The following FHIT variants were observed in gnomAD, a reference collection of about 807,000 sequenced individuals.
The protein encoded by FHIT is fragile histidine triad diadenosine triphosphatase.
In FHIT, 19 loss-of-function variants were observed where a neutral mutation model predicts 17.9. That is an observed-to-expected ratio of 1.06 (90% CI 0.74 to 1.56). The LOEUF (loss-of-function observed/expected upper bound fraction) is 1.56, where lower values mean the gene tolerates loss of function less well. Among genes scored for constraint, FHIT ranks in the 40% most tolerant of loss-of-function variants. The pLI is 0.00. For synonymous variants in FHIT, 81 were observed against 69.7 expected (o/e 1.16, Z -0.81); for missense variants, 248 against 189.2 (o/e 1.31, Z -1.82).
chr3:61,143,974 T>A (rs1451676466), intron 2 of FHIT, among the ~76,000 whole-genome samples: 1 of 152,234 alleles, frequency 6.6e-6, no homozygotes, highest in Admixed American at 6.5e-5. Context: ...CAGGCAATTA[T>A]TGTCATGCTA....
intron 5 of FHIT, among the ~76,000 whole-genome samples, chr3:60,052,981 T>C (rs1360699045): frequency 6.6e-6 from 1 of 151,868 alleles, no homozygotes; most frequent in East Asian, 1.9e-4. Context: ...AATAGAGTCT[T>C]CAGTATTATA....
At chr3:60,842,424 C>T (rs1010793280) in intron 3 of FHIT, among the ~76,000 whole-genome samples, 1 of 151,652 alleles carries the variant, frequency 6.6e-6, no homozygotes, top group Non-Finnish European at 1.5e-5. Flanking sequence ...CTTTCATTCA[C>T]TCATTGCTAA....
At chr3:60,483,463 C>T (rs1488718867) in intron 5 of FHIT, among the ~76,000 whole-genome samples, 1 of 152,178 alleles carries the variant, frequency 6.6e-6, no homozygotes, top group African/African-American at 2.4e-5. Context: ...AGCAGCACAT[C>T]AAAAAACTTA....
chr3:60,811,677 G>T (rs530146622), intron 4 of FHIT, among the ~76,000 whole-genome samples: 1 of 152,172 alleles, frequency 6.6e-6, no homozygotes, highest in South Asian at 2.1e-4. Flanking sequence ...ATATAACATG[G>T]AAATGACATA....
At chr3:61,216,384 C>T (rs1258095153) in intron 1 of FHIT, among the ~76,000 whole-genome samples, 1 of 152,132 alleles carries the variant, frequency 6.6e-6, no homozygotes, top group East Asian at 1.9e-4. Context: ...CCAAAAAACA[C>T]ATGAAAAAAT....
intron 5 of FHIT, among the ~76,000 whole-genome samples, chr3:60,458,406 G>C (rs953165158): frequency 2.1e-5 from 3 of 144,498 alleles, no homozygotes; most frequent in African/African-American, 7.6e-5. Context: ...ACAGGAAAGG[G>C]AACATCACAC....
intron 3 of FHIT, among the ~76,000 whole-genome samples, chr3:60,968,571 C>A (rs1455392538): frequency 6.6e-6 from 1 of 152,054 alleles, no homozygotes; most frequent in Admixed American, 6.6e-5. Context: ...TGCCACCACA[C>A]CCAGCTAGTT....
intron 5 of FHIT, among the ~76,000 whole-genome samples, chr3:60,450,327 G>A (rs966626297): frequency 1.3e-5 from 2 of 152,036 alleles, no homozygotes; most frequent in East Asian, 3.9e-4. Context: ...TCATATATGT[G>A]GTTCACTGTT....
At chr3:60,243,958 A>C (rs926223298) in intron 5 of FHIT, among the ~76,000 whole-genome samples, 1 of 152,070 alleles carries the variant, frequency 6.6e-6, no homozygotes. Context: ...CGTTACCATC[A>C]TGTACACTCG....
rs887860266 is a variant in FHIT, at chr3:60,207,691, A to G, written c.104-193539T>C. On this transcript the variant is annotated intron_variant, in intron 5 of 9. Coordinates refer to ENST00000492590, the MANE Select transcript of FHIT (RefSeq NM_002012.4). ...TTGCTTTTTAAAAAGTCAGAAACCT[A>G]TAGAATTCGTATGTGAGTTCCACTC... Among the ~76,000 whole-genome samples, 13 of 152,146 alleles carry G rather than the reference A, an allele frequency of 8.5e-5. No homozygotes were observed. In the East Asian group the frequency reaches 2.5e-3, roughly 29 times the overall value.
intron 8 of FHIT, among the ~76,000 whole-genome samples, chr3:59,843,459 T>C (rs1196070963): frequency 6.6e-6 from 1 of 152,156 alleles, no homozygotes; most frequent in Non-Finnish European, 1.5e-5. Context: ...AAAAAAAGCA[T>C]CGTTGGAATT....
intron 4 of FHIT, among the ~76,000 whole-genome samples, chr3:60,818,583 C>T (rs2736742): frequency 0.85 from 129,177 of 152,130 alleles, 55,688 homozygotes; most frequent in East Asian, 0.95. Flanking sequence ...TCTACAATTC[C>T]TACTTCTTCT....
chr3:60,291,545 G>T (rs1244210993), intron 5 of FHIT, among the ~76,000 whole-genome samples: 1 of 152,078 alleles, frequency 6.6e-6, no homozygotes, highest in Non-Finnish European at 1.5e-5. Context: ...GCATTCCCCT[G>T]TGCAAGCTTC....
At chr3:60,552,555 T>C (rs1413992716) in intron 4 of FHIT, among the ~76,000 whole-genome samples, 1 of 152,220 alleles carries the variant, frequency 6.6e-6, no homozygotes, top group African/African-American at 2.4e-5. Context: ...TTTTGGTTTT[T>C]ATTTTGAAAG....
rs79239738 is a variant in FHIT, at chr3:60,267,861, G to A, written c.104-253709C>T. On this transcript the variant is annotated intron_variant, in intron 5 of 9. Coordinates refer to ENST00000492590, the MANE Select transcript of FHIT (RefSeq NM_002012.4). ...ATGTGTGATATTCAGCCTAAATCTTGTAAAACTTGGACTTGATAGTCTAAG... is the reference window on the plus strand; with the variant it reads ...ATGTGTGATATTCAGCCTAAATCTTATAAAACTTGGACTTGATAGTCTAAG... 3.8e-3 allele frequency among the ~76,000 whole-genome samples: 579 copies of A among 152,238 alleles called. 4 individuals are homozygous for A. The highest frequency in any genetic ancestry group is 0.013 in the African/African-American group (553 of 41,550).
At chr3:60,833,635 G>A (rs1553743154) in intron 3 of FHIT, among the ~76,000 whole-genome samples, 1 of 152,120 alleles carries the variant, frequency 6.6e-6, no homozygotes, top group Admixed American at 6.6e-5. Context: ...ATACAGAGAA[G>A]GTCCATATGC....
intron 5 of FHIT, among the ~76,000 whole-genome samples, chr3:60,267,829 A>T (rs935487941): frequency 6.6e-6 from 1 of 152,188 alleles, no homozygotes; most frequent in Admixed American, 6.5e-5. Flanking sequence ...AAAACTATTT[A>T]TTGAAGATGT....
At chr3:60,980,812 C>T (rs1400587237) in intron 3 of FHIT, among the ~76,000 whole-genome samples, 3 of 152,174 alleles carry the variant, frequency 2.0e-5, no homozygotes. Flanking sequence ...TTCTGAATTT[C>T]AACCTTTCTG....
chr3:59,874,880 A>G (rs1703083110), intron 8 of FHIT, among the ~76,000 whole-genome samples: 1 of 152,174 alleles, frequency 6.6e-6, no homozygotes, highest in East Asian at 1.9e-4. Flanking sequence ...GCTAATCAGC[A>G]CCTTCAATCA....
Sources: allele counts gnomAD v4.1 joint callset (sites outside exome capture counted in the v4.1 genomes callset), GRCh38; gene constraint gnomAD v4.1.1; transcripts MANE v1.5; gene names NCBI Gene and HGNC (gene_info 2026-07-23, HGNC 2026-07-21).